Variants in PSD3 observed in about 807,000 individuals in gnomAD.
PSD3 encodes the protein pleckstrin and Sec7 domain containing 3.
In PSD3, 49 loss-of-function variants were observed where a neutral mutation model predicts 105.5. That is an observed-to-expected ratio of 0.46 (90% CI 0.37 to 0.59). The LOEUF (loss-of-function observed/expected upper bound fraction) is 0.59, where lower values mean the gene tolerates loss of function less well. PSD3 is among the 20% of genes least tolerant of loss of function. The pLI, the probability that PSD3 is intolerant of heterozygous loss-of-function variation, is 0.00. For synonymous variants in PSD3, 557 were observed against 457.8 expected, an observed-to-expected ratio of 1.22 and a Z score of -2.77; for missense variants, 1,561 against 1,263.8, an observed-to-expected ratio of 1.24 and a Z score of -3.57.
intron 9 of PSD3, among the ~76,000 whole-genome samples, chr8:18,715,818 T>A (rs1802546425): frequency 2.0e-5 from 3 of 152,204 alleles, no homozygotes; most frequent in Admixed American, 2.0e-4. Context: ...CAAAAAACTG[T>A]AGCAAATAAG....
In PSD3 at chr8:19,006,421, C is replaced by T. The variant is rs1180793166; in HGVS notation, c.21+7142G>A. Among the ~76,000 whole-genome samples the T allele has an allele frequency of 3.9e-5, 6 of 151,952 alleles. 1 individual carries two copies. Among genetic ancestry groups the T allele is most frequent in the Non-Finnish European group, 8.8e-5 (6 of 67,964 alleles). ...CTAAATAGATGTCATTCTTTCTCCT[C>T]TTCCTATCCCCACGCTTTTGTATTG... On this transcript the variant is annotated intron_variant, in intron 1 of 15. Transcript: ENST00000327040.
At chr8:19,049,426 A>T (rs1483944461) in intron 1 of PSD3, among the ~76,000 whole-genome samples, 1 of 152,160 alleles carries the variant, frequency 6.6e-6, no homozygotes, top group Admixed American at 6.5e-5. Context: ...ACAGTGGCCC[A>T]CACCTGCAAT....
intron 8 of PSD3, among the ~76,000 whole-genome samples, chr8:18,770,098 G>T (rs1034625574): frequency 2.0e-5 from 3 of 152,154 alleles, no homozygotes; most frequent in Non-Finnish European, 4.4e-5. Flanking sequence ...CCCACAAGCA[G>T]CGAATGAGGG....
At chr8:18,689,381 T>C (rs1800844753) in intron 9 of PSD3, among the ~76,000 whole-genome samples, 1 of 152,162 alleles carries the variant, frequency 6.6e-6, no homozygotes, top group Non-Finnish European at 1.5e-5. Flanking sequence ...AGGCAGACAC[T>C]TCCCTCTTTG....
At chr8:19,036,684 A>G (rs750669984) in intron 1 of PSD3, among the ~76,000 whole-genome samples, 3 of 152,166 alleles carry the variant, frequency 2.0e-5, no homozygotes, top group Non-Finnish European at 4.4e-5. Flanking sequence ...TAAACTGAGA[A>G]TGCCTTCAGC....
chr8:18,806,570 G>C (rs1430858786), intron 4 of PSD3, among the ~76,000 whole-genome samples: 1 of 152,190 alleles, frequency 6.6e-6, no homozygotes, highest in Non-Finnish European at 1.5e-5. Flanking sequence ...AACCAAGGGC[G>C]GTCAGAATTT....
chr8:18,573,660 G>C (rs1264999367), intron 13 of PSD3, among the ~76,000 whole-genome samples: 3 of 152,142 alleles, frequency 2.0e-5, no homozygotes, highest in African/African-American at 7.2e-5. Context: ...AACTTCCAAA[G>C]CTTTATGTTA....
At chr8:19,033,287 G>A (rs1827830797) in intron 1 of PSD3, among the ~76,000 whole-genome samples, 1 of 152,076 alleles carries the variant, frequency 6.6e-6, no homozygotes, top group Non-Finnish European at 1.5e-5. Context: ...CACATGGAAA[G>A]TGCACATACC....
intron 12 of PSD3, among the ~76,000 whole-genome samples, chr8:18,582,104 G>A (rs17596349): frequency 0.076 from 11,535 of 152,080 alleles, 625 homozygotes; most frequent in Middle Eastern, 0.23. Flanking sequence ...GACAGACACC[G>A]GGGACTTATT....
At position 18,597,127 on chromosome 8, in the gene PSD3, T is replaced by C. The variant is rs979422990; in HGVS notation, c.2481+3237A>G. On this transcript the variant is annotated intron_variant, in intron 12 of 15. Coordinates refer to ENST00000327040, the MANE Select transcript of PSD3 (RefSeq NM_015310.4). ...AAAAGGATCTACAACTATCTGATCTTTGACAAACCTGAGAAAAACAAACAA... is the reference window on the plus strand; with the variant it reads ...AAAAGGATCTACAACTATCTGATCTCTGACAAACCTGAGAAAAACAAACAA... Among the ~76,000 whole-genome samples the C allele has an allele frequency of 5.0e-5, 2 of 39,746 alleles. 1 individual carries two copies. The highest frequency in any genetic ancestry group is 6.9e-4 in the Admixed American group (2 of 2,916). The allele number at this position is 39,746 out of a possible 152,430, so 26.1% of individuals were successfully genotyped here.
chr8:18,614,428 G>A (rs1213950365), intron 11 of PSD3, among the ~76,000 whole-genome samples: 2 of 139,410 alleles, frequency 1.4e-5, no homozygotes, highest in African/African-American at 5.4e-5. Context: ...TTTTTTTAGT[G>A]CTTAATCTTT....
At chr8:18,770,216 T>G (rs1157619112) in intron 8 of PSD3, among the ~76,000 whole-genome samples, 1 of 152,242 alleles carries the variant, frequency 6.6e-6, no homozygotes, top group Non-Finnish European at 1.5e-5. Flanking sequence ...ATTTCCCTAA[T>G]GACTAATGAC....
intron 10 of PSD3, among the ~76,000 whole-genome samples, chr8:18,638,241 C>T (rs557473753): frequency 6.6e-6 from 1 of 151,166 alleles, no homozygotes; most frequent in Non-Finnish European, 1.5e-5. Flanking sequence ...TGTTTTTCCT[C>T]TAAGACCATG....
chr8:18,631,070 C>T (rs764849251), intron 11 of PSD3, among the ~76,000 whole-genome samples: 8 of 151,928 alleles, frequency 5.3e-5, no homozygotes, highest in Non-Finnish European at 8.8e-5. Context: ...TCAGTGCCAT[C>T]CATACCTGAC....
chr8:18,944,690 T>C (rs1236480776), intron 1 of PSD3, among the ~76,000 whole-genome samples: 1 of 152,208 alleles, frequency 6.6e-6, no homozygotes. Context: ...ACTTAGGAAC[T>C]ATGTAAATAT....
At chr8:18,703,071 A>G (rs1214711057) in intron 9 of PSD3, among the ~76,000 whole-genome samples, 2 of 152,082 alleles carry the variant, frequency 1.3e-5, no homozygotes, top group Admixed American at 1.3e-4. Flanking sequence ...TCCTAATGGG[A>G]GGAACTCTCC....
chr8:19,035,155 T>C (rs946010816), intron 1 of PSD3, among the ~76,000 whole-genome samples: 1 of 152,218 alleles, frequency 6.6e-6, no homozygotes, highest in African/African-American at 2.4e-5. Flanking sequence ...TGTGTCTATG[T>C]ATACTTGCAA....
At chr8:19,042,987 A>G (rs1375647884) in intron 1 of PSD3, among the ~76,000 whole-genome samples, 2 of 152,174 alleles carry the variant, frequency 1.3e-5, no homozygotes, top group Non-Finnish European at 2.9e-5. Flanking sequence ...ACAAAAAGAA[A>G]TGTTCCTCAA....
intron 12 of PSD3, among the ~76,000 whole-genome samples, chr8:18,594,435 A>G (rs1279358058): frequency 8.0e-6 from 1 of 125,514 alleles, no homozygotes; most frequent in African/African-American, 3.2e-5. Flanking sequence ...TATATATAAT[A>G]TATTATATTA....
Sources: gnomAD v4.1 joint callset for allele counts (sites outside exome capture counted in the v4.1 genomes callset) on GRCh38, gnomAD v4.1.1 for gene constraint, MANE v1.5 for transcripts, NCBI Gene and HGNC (gene_info 2026-07-23, HGNC 2026-07-21) for gene names.